The following ARHGEF26 variants were observed in gnomAD, a reference collection of about 807,000 sequenced individuals.
ARHGEF26 encodes Rho guanine nucleotide exchange factor (GEF) 26.
Under a neutral mutation model 89.4 loss-of-function variants are expected in ARHGEF26, and 59 were observed. The ratio of observed to expected loss-of-function variants is 0.66; its 90% CI spans 0.54 to 0.82. The LOEUF (loss-of-function observed/expected upper bound fraction) is 0.82, where lower values mean the gene tolerates loss of function less well. Ranked by LOEUF, ARHGEF26 falls within the 40% of genes least tolerant of loss-of-function variation. ARHGEF26 has a pLI of 0.00. For synonymous variants in ARHGEF26, 500 were observed against 428.4 expected (o/e 1.17, Z -2.06); for missense variants, 1,234 against 1,085.6 (o/e 1.14, Z -1.92).
chr3:154,188,804 T>C (rs1213981347), intron 7 of ARHGEF26, among the ~76,000 whole-genome samples: 1 of 149,766 alleles, frequency 6.7e-6, no homozygotes, highest in Non-Finnish European at 1.5e-5. Flanking sequence ...TGGCCCCCTT[T>C]TTCCTCCACA....
intron 6 of ARHGEF26, chr3:154,187,229 G>A: frequency 2.0e-6 from 2 of 984,164 alleles, no homozygotes; most frequent in Non-Finnish European, 2.4e-6. Flanking sequence ...TAGGTGTTTT[G>A]CTCATGTATT....
At chr3:154,209,720 G>C (rs921362947) in intron 9 of ARHGEF26, among the ~76,000 whole-genome samples, 1 of 152,134 alleles carries the variant, frequency 6.6e-6, no homozygotes, top group African/African-American at 2.4e-5. Context: ...CACAGTGCTG[G>C]ATCTCGCTCA....
intron 11 of ARHGEF26, among the ~76,000 whole-genome samples, chr3:154,226,866 TG>T (rs1166363371): frequency 1.3e-5 from 2 of 152,174 alleles, no homozygotes; most frequent in African/African-American, 4.8e-5. Flanking sequence ...CCTGAATTGA[TG>T]GCATATGGTG....
In ARHGEF26 at chr3:154,257,408, A is replaced by ATGTT. The variant is rs1308741207; in HGVS notation, c.*1937_*1940dup. The ATGTT allele has an allele frequency of 6.6e-6, 1 of 152,550 alleles. No individual in the cohort carries two copies. Among genetic ancestry groups the ATGTT allele is most frequent in the Non-Finnish European group, 1.5e-5 (1 of 68,282 alleles). 9.4% of individuals were successfully genotyped at this position (152,550 alleles called of 1,614,324 possible). A position where few individuals can be genotyped will look rare whatever the true frequency, so the allele number is the denominator to read the frequency against. ...CTATCAAGTTGTAATATAATCTGTCATGTTTTATTTAGGAAGGAAGGTAAA... is the reference window on the plus strand; with the variant it reads ...CTATCAAGTTGTAATATAATCTGTCATGTTTGTTTTATTTAGGAAGGAAGGTAAA... On this transcript the variant is annotated 3_prime_UTR_variant, in exon 15 of 15. Transcript: ENST00000465093.
chr3:154,129,611 C>T lies in ARHGEF26; in HGVS notation c.1161C>T (p.Ala387=). Residue 387 remains alanine, a synonymous_variant, in exon 4 of 15, where the codon GCC becomes GCT. Coordinates refer to ENST00000465093, the MANE Select transcript of ARHGEF26 (RefSeq NM_015595.4). ...AVLYQNYKEK[A]LDIDSDEESE... Reference sequence around the variant, plus strand: ...TGTATCAAAACTACAAGGAAAAGGCCCTTGACATTGATTCTGATGAAGAGT... The same window carrying T: ...TGTATCAAAACTACAAGGAAAAGGCTCTTGACATTGATTCTGATGAAGAGT... The T allele has an allele frequency of 6.2e-7, 1 of 1,611,614 alleles. No individual in the cohort carries two copies. Among genetic ancestry groups the T allele is most frequent in the Non-Finnish European group, 8.5e-7 (1 of 1,178,846 alleles).
chr3:154,191,082 A>G (rs1377301036), intron 7 of ARHGEF26, among the ~76,000 whole-genome samples: 6 of 152,198 alleles, frequency 3.9e-5, no homozygotes, highest in Non-Finnish European at 8.8e-5. Context: ...TGTGAAATCC[A>G]CATCTTATTA....
intron 8 of ARHGEF26, among the ~76,000 whole-genome samples, chr3:154,193,949 C>G (rs1411111401): frequency 6.6e-6 from 1 of 152,030 alleles, no homozygotes; most frequent in Non-Finnish European, 1.5e-5. Context: ...ACCCTCCCAC[C>G]TTAGCCTCCT....
chr3:154,152,958 G>A, intron 6 of ARHGEF26, 26 bp downstream of exon 6: 1 of 1,500,912 alleles, frequency 6.7e-7, no homozygotes, highest in Non-Finnish European at 8.9e-7. Flanking sequence ...TCTGCCTTTG[G>A]TCGTGCCAAG....
chr3:154,252,701 T>G (rs1718232312), intron 12 of ARHGEF26, among the ~76,000 whole-genome samples: 2 of 152,084 alleles, frequency 1.3e-5, no homozygotes, highest in African/African-American at 2.4e-5. Flanking sequence ...AAGGTTTGAG[T>G]GTGTGGGAAG....
At chr3:154,189,496 C>T (rs1713816833) in intron 7 of ARHGEF26, among the ~76,000 whole-genome samples, 1 of 151,890 alleles carries the variant, frequency 6.6e-6, no homozygotes. Context: ...TGCCACCACA[C>T]CCAGTTAATT....
chr3:154,145,123 G>T (rs1719619871), intron 4 of ARHGEF26, among the ~76,000 whole-genome samples: 1 of 151,990 alleles, frequency 6.6e-6, no homozygotes, highest in Non-Finnish European at 1.5e-5. Context: ...GGATGTAGTG[G>T]GGTTAAAGAG....
chr3:154,122,886 C>T lies in ARHGEF26; in HGVS notation c.894C>T (p.Val298=). The change falls in exon 2 of 15, where the codon GTC becomes GTT. Residue 298 remains valine (V), a synonymous_variant. Transcript: ENST00000465093. ...GTCACGCAGGGGAGGAGAGTGAGGTCGATAACGACGTGGATAGCCCAGGGT... is the reference window on the plus strand; with the variant it reads ...GTCACGCAGGGGAGGAGAGTGAGGTTGATAACGACGTGGATAGCCCAGGGT... ...PLGHAGEESE[V]DNDVDSPGSL... 2 of 1,612,714 alleles carry T rather than the reference C, an allele frequency of 1.2e-6. No individual in the cohort carries two copies. Among genetic ancestry groups the T allele is most frequent in the Non-Finnish European group, 1.7e-6 (2 of 1,179,362 alleles).
At chr3:154,235,052 G>A (rs1386063422) in intron 11 of ARHGEF26, among the ~76,000 whole-genome samples, 1 of 151,908 alleles carries the variant, frequency 6.6e-6, no homozygotes, top group African/African-American at 2.4e-5. Flanking sequence ...CATAAGGCTA[G>A]TTTATTCTTT....
chr3:154,164,295 G>A (rs1465976362), intron 6 of ARHGEF26, among the ~76,000 whole-genome samples: 6 of 151,938 alleles, frequency 3.9e-5, no homozygotes, highest in African/African-American at 1.4e-4. Context: ...GGTGAAGACT[G>A]TTTTAGTATT....
At chr3:154,162,124 T>G (rs1462844310) in intron 6 of ARHGEF26, among the ~76,000 whole-genome samples, 1 of 152,090 alleles carries the variant, frequency 6.6e-6, no homozygotes, top group Admixed American at 6.6e-5. Context: ...ATGACTGGGG[T>G]TTGGTTGCAG....
chr3:154,175,175 G>T (rs1051598642), intron 6 of ARHGEF26, among the ~76,000 whole-genome samples: 3 of 152,110 alleles, frequency 2.0e-5, no homozygotes, highest in African/African-American at 7.2e-5. Flanking sequence ...TGTATTAAAG[G>T]TTCTATAAAC....
chr3:154,211,812 A>G (rs1012251869), intron 9 of ARHGEF26, among the ~76,000 whole-genome samples: 1 of 152,166 alleles, frequency 6.6e-6, no homozygotes, highest in Non-Finnish European at 1.5e-5. Flanking sequence ...GCAGAACAAT[A>G]TAAATAGTAT....
chr3:154,233,977 C>G (rs1342838394), intron 11 of ARHGEF26, among the ~76,000 whole-genome samples: 2 of 152,342 alleles, frequency 1.3e-5, no homozygotes, highest in East Asian at 1.9e-4. Flanking sequence ...ATAAATGTCA[C>G]TATCTTGAGA....
At chr3:154,234,968 T>C (rs576254510) in intron 11 of ARHGEF26, among the ~76,000 whole-genome samples, 32 of 152,144 alleles carry the variant, frequency 2.1e-4, no homozygotes, top group Non-Finnish European at 3.8e-4. Context: ...TTCACCGTGT[T>C]ATCCAGGATG....
Sources: allele counts gnomAD v4.1 joint callset (sites outside exome capture counted in the v4.1 genomes callset), GRCh38; gene constraint gnomAD v4.1.1; transcripts MANE v1.5; gene names NCBI Gene and HGNC (gene_info 2026-07-23, HGNC 2026-07-21).